Variants in PDE1C observed in about 807,000 individuals in gnomAD.
PDE1C encodes dual specificity calcium/calmodulin-dependent 3',5'-cyclic nucleotide phosphodiesterase 1C.
A neutral mutation model predicts 93.1 loss-of-function variants in PDE1C; 62 were observed. The ratio of observed to expected loss-of-function variants is 0.67; its 90% confidence interval spans 0.54 to 0.82. The LOEUF (loss-of-function observed/expected upper bound fraction) is 0.82. PDE1C is among the 40% of genes least tolerant of loss of function. PDE1C has a pLI of 0.00. For missense variants in PDE1C, 742 were observed against 884.6 expected, an observed-to-expected ratio of 0.84 and a Z score of 2.04; for synonymous variants, 325 against 310.1, an observed-to-expected ratio of 1.05 and a Z score of -0.50.
At chr7:32,004,017 AC>A (rs145438779) in intron 2 of PDE1C, among the ~76,000 whole-genome samples, 2,718 of 152,300 alleles carry the variant, frequency 0.018, 84 homozygotes, top group African/African-American at 0.062. Context: ...ATGGAATGTA[AC>A]GTGGCTGCTC....
intron 1 of PDE1C, among the ~76,000 whole-genome samples, chr7:32,388,776 G>A (rs974219127): frequency 6.0e-5 from 9 of 150,954 alleles, no homozygotes; most frequent in Non-Finnish European, 1.2e-4. Flanking sequence ...TGAGCAAACA[G>A]TACAAACAGT....
In PDE1C at chr7:31,964,170, C is replaced by T. The variant is rs149657495; in HGVS notation, c.129-83310G>A. Among the ~76,000 whole-genome samples the T allele has an allele frequency of 2.6e-4, 40 of 152,308 alleles. 2 individuals carry two copies. In the East Asian group the frequency reaches 3.9e-3, roughly 15 times the overall value. Reference sequence around the variant, plus strand: ...AAGCACGGCAAAGCATCACCTCACCCGGGAAGTGCAAGTGGTCAAGGAATT... The same window carrying T: ...AAGCACGGCAAAGCATCACCTCACCTGGGAAGTGCAAGTGGTCAAGGAATT... On this transcript the variant is annotated intron_variant, in intron 2 of 17. Transcript: ENST00000396191.
At chr7:32,237,147 C>T (rs1223191313) in intron 1 of PDE1C, among the ~76,000 whole-genome samples, 4 of 145,886 alleles carry the variant, frequency 2.7e-5, no homozygotes, top group Non-Finnish European at 4.5e-5. Context: ...AGTGCAGTGG[C>T]GCGATCTCGG....
chr7:31,841,751 T>TATATACATATCA (rs61622707), intron 9 of PDE1C, among the ~76,000 whole-genome samples: 30,366 of 151,904 alleles, frequency 0.2, 3,222 homozygotes, highest in Middle Eastern at 0.3. Flanking sequence ...ACCAATAGGA[T>TATATACATATCA]AGAAAGAGAT....
intron 1 of PDE1C, among the ~76,000 whole-genome samples, chr7:32,290,920 G>A (rs1017349396): frequency 6.6e-6 from 1 of 152,064 alleles, no homozygotes; most frequent in East Asian, 1.9e-4. Flanking sequence ...AGTATATATG[G>A]TGATTTGATC....
At chr7:31,823,340 C>G (rs1020574629) in intron 13 of PDE1C, 92 bp from the exon 14 acceptor site, 22 of 952,936 alleles carry the variant, frequency 2.3e-5, no homozygotes, top group Non-Finnish European at 3.1e-5. Context: ...GGTTAGCACT[C>G]CTAAAGTTAT....
At chr7:32,258,188 C>T (rs1394248372) in intron 1 of PDE1C, among the ~76,000 whole-genome samples, 2 of 152,212 alleles carry the variant, frequency 1.3e-5, no homozygotes, top group Non-Finnish European at 2.9e-5. Context: ...AATTTAGGCT[C>T]TGCTGCCCAC....
intron 2 of PDE1C, among the ~76,000 whole-genome samples, chr7:32,187,793 T>A (rs564804346): frequency 6.6e-6 from 1 of 152,350 alleles, no homozygotes; most frequent in South Asian, 2.1e-4. Flanking sequence ...TAACATATAA[T>A]CAATACAAAC....
chr7:32,392,005 T>C (rs989174110), intron 1 of PDE1C, among the ~76,000 whole-genome samples: 11 of 151,600 alleles, frequency 7.3e-5, no homozygotes, highest in African/African-American at 1.7e-4. Context: ...AAATAGAAGA[T>C]AGAAAAGCAA....
chr7:32,256,204 T>C (rs1809784123), intron 1 of PDE1C, among the ~76,000 whole-genome samples: 1 of 152,196 alleles, frequency 6.6e-6, no homozygotes, highest in African/African-American at 2.4e-5. Flanking sequence ...TGTGAACATA[T>C]GAACTTTAGC....
chr7:32,255,901 G>C (rs1809759209), intron 1 of PDE1C, among the ~76,000 whole-genome samples: 1 of 152,198 alleles, frequency 6.6e-6, no homozygotes, highest in Non-Finnish European at 1.5e-5. Flanking sequence ...TTCCTCATGA[G>C]GGAAAGAGGA....
the PDE1C span, among the ~76,000 whole-genome samples, chr7:31,631,901 A>T: frequency 1.3e-5 from 2 of 152,172 alleles, no homozygotes; most frequent in Non-Finnish European, 2.9e-5. Context: ...TTAGGATGAG[A>T]GTCAAGATAT....
intron 2 of PDE1C, among the ~76,000 whole-genome samples, chr7:31,988,385 C>T (rs1783688795): frequency 6.6e-6 from 1 of 152,184 alleles, no homozygotes; most frequent in Non-Finnish European, 1.5e-5. Flanking sequence ...TTAAAGGTTT[C>T]TATGTTATTT....
the PDE1C span, among the ~76,000 whole-genome samples, chr7:31,743,199 G>A: frequency 6.6e-6 from 1 of 152,108 alleles, no homozygotes; most frequent in African/African-American, 2.4e-5. Context: ...CTAAGTCTTT[G>A]TAAAAACTAT....
the PDE1C span, among the ~76,000 whole-genome samples, chr7:31,620,913 G>C: frequency 3.9e-5 from 6 of 152,050 alleles, no homozygotes; most frequent in Non-Finnish European, 1.5e-5. Context: ...AGTGCTTAAA[G>C]GAGCTGATGG....
chr7:32,023,251 T>C (rs1034366710), intron 2 of PDE1C, among the ~76,000 whole-genome samples: 1 of 152,164 alleles, frequency 6.6e-6, no homozygotes, highest in African/African-American at 2.4e-5. Context: ...GGCTTTAACA[T>C]ACAGCTTGCA....
At chr7:31,834,705 C>T (rs1345335340) in intron 11 of PDE1C, among the ~76,000 whole-genome samples, 1 of 151,966 alleles carries the variant, frequency 6.6e-6, no homozygotes, top group African/African-American at 2.4e-5. Context: ...TTTGATTTTA[C>T]AGACTCATAG....
chr7:31,778,451 G>C (rs192172090), intron 16 of PDE1C, among the ~76,000 whole-genome samples: 1 of 152,270 alleles, frequency 6.6e-6, no homozygotes, highest in Non-Finnish European at 1.5e-5. Context: ...AATTCTTTGT[G>C]GTGGGGGCTG....
chr7:32,195,460 C>A (rs1242346474), intron 2 of PDE1C, among the ~76,000 whole-genome samples: 2 of 152,162 alleles, frequency 1.3e-5, no homozygotes, highest in Non-Finnish European at 2.9e-5. Context: ...TCCATGGCTT[C>A]TGATCAAAAA....
Sources: allele counts gnomAD v4.1 joint callset (sites outside exome capture counted in the v4.1 genomes callset), GRCh38; gene constraint gnomAD v4.1.1; transcripts MANE v1.5; gene names NCBI Gene and HGNC (gene_info 2026-07-23, HGNC 2026-07-21).